The following MYLK variants were observed in gnomAD, a reference collection of about 807,000 sequenced individuals.
MYLK encodes the protein myosin light chain kinase, smooth muscle.
In MYLK, 106 loss-of-function variants were observed where a neutral mutation model predicts 203.4. The ratio of observed to expected loss-of-function variants is 0.52; its 90% CI spans 0.45 to 0.61. The LOEUF is 0.61. MYLK is among the 20% of genes least tolerant of loss of function. The pLI is 0.00. For missense variants in MYLK, 2,072 were observed against 2,442.3 expected (o/e 0.85, Z 3.20); for synonymous variants, 867 against 959.5 (o/e 0.90, Z 1.78).
chr3:123,673,044 A>G (rs563709313), intron 20 of MYLK, among the ~76,000 whole-genome samples: 1 of 152,200 alleles, frequency 6.6e-6, no homozygotes, highest in Non-Finnish European at 1.5e-5. Flanking sequence ...GGAGCTGGAA[A>G]TGGGATCTGA....
intron 24 of MYLK, among the ~76,000 whole-genome samples, chr3:123,653,990 GTGTGTGTGT>G (rs2059309190): frequency 1.6e-5 from 2 of 123,124 alleles, no homozygotes; most frequent in African/African-American, 7.5e-5. Flanking sequence ...GGGATGTTGT[GTGTGTGTGT>G]GTGTGTGTGT....
In MYLK at chr3:123,793,575, A is replaced by C. The variant is rs143028038; in HGVS notation, c.165+102T>G. On this transcript the variant is annotated intron_variant, in intron 4 of 33. Transcript: ENST00000360304. ...TACATGAAGGTCCAAAAGAAAATTG[A>C]GCCTTCTATTAGATCCAGCCGGCCC... 5.0e-4 allele frequency: 666 copies of C among 1,329,394 alleles called. 7 individuals are homozygous for C. In the African/African-American group the frequency reaches 9.0e-3, roughly 18 times the overall value. The allele number at this position is 1,329,394 out of a possible 1,614,324, so 82.3% of individuals were successfully genotyped here.
chr3:123,717,765 T>C (rs1188398706), intron 13 of MYLK, among the ~76,000 whole-genome samples: 1 of 152,010 alleles, frequency 6.6e-6, no homozygotes, highest in Non-Finnish European at 1.5e-5. Flanking sequence ...AGACATTCAT[T>C]GCTTGGTTAA....
chr3:123,659,094 T>C (rs1270770659), intron 23 of MYLK, among the ~76,000 whole-genome samples: 3 of 152,212 alleles, frequency 2.0e-5, no homozygotes, highest in East Asian at 1.9e-4. Context: ...GAAACATTTC[T>C]GGTTTTGGCT....
At chr3:123,784,792 T>G (rs1258915340) in intron 4 of MYLK, among the ~76,000 whole-genome samples, 1 of 152,216 alleles carries the variant, frequency 6.6e-6, no homozygotes, top group African/African-American at 2.4e-5. Context: ...TCTGTGGATT[T>G]TCTACCTCTT....
intron 2 of MYLK, among the ~76,000 whole-genome samples, chr3:123,850,742 A>G (rs2030686721): frequency 6.6e-6 from 1 of 152,096 alleles, no homozygotes; most frequent in Non-Finnish European, 1.5e-5. Flanking sequence ...GAAGCTCTTT[A>G]GTTTAATTAG....
intron 4 of MYLK, among the ~76,000 whole-genome samples, chr3:123,767,655 C>T (rs1460571999): frequency 2.6e-5 from 4 of 152,180 alleles, no homozygotes; most frequent in African/African-American, 9.7e-5. Flanking sequence ...GCCAGAGCTG[C>T]CCTAAGGCCT....
At chr3:123,827,742 TATATATAA>T (rs2066176860) in intron 3 of MYLK, among the ~76,000 whole-genome samples, 4 of 79,322 alleles carry the variant, frequency 5.0e-5, no homozygotes, top group Admixed American at 1.5e-4. Flanking sequence ...TATATATATA[TATATATAA>T]AGACTCTACC....
intron 13 of MYLK, among the ~76,000 whole-genome samples, chr3:123,720,472 C>G (rs1256471355): frequency 6.6e-6 from 1 of 152,140 alleles, no homozygotes; most frequent in Admixed American, 6.5e-5. Flanking sequence ...ACTCTTGCTG[C>G]CCCTTACTTG....
intron 4 of MYLK, among the ~76,000 whole-genome samples, chr3:123,778,327 C>A (rs1264808630): frequency 6.6e-6 from 1 of 151,980 alleles, no homozygotes; most frequent in Non-Finnish European, 1.5e-5. Context: ...TAATAAGAAT[C>A]ATCAATCCCC....
chr3:123,621,845 C>G (rs1286842075), intron 31 of MYLK: 1 of 152,502 alleles, frequency 6.6e-6, no homozygotes, highest in Non-Finnish European at 1.5e-5. Context: ...GAACAGAATC[C>G]ACGCAGCCCC....
In MYLK at chr3:123,666,214, C is replaced by T. The variant is rs1198605932; in HGVS notation, c.3831+5G>A. The T allele has an allele frequency of 6.2e-7, 1 of 1,614,242 alleles. No individual in the cohort carries two copies. The highest frequency in any genetic ancestry group is 8.5e-7 in the Non-Finnish European group (1 of 1,180,050). On this transcript the variant is annotated splice_donor_5th_base_variant and intron_variant, in intron 22 of 33. Transcript: ENST00000360304. ...CCCCAGTGCCCACCCCATACCGTCA[C>T]TGACCTGCTTTCGGAACTTCATCCA... is the stretch of plus-strand genomic sequence containing the variant.
chr3:123,819,307 G>A (rs575658104), intron 3 of MYLK, among the ~76,000 whole-genome samples: 2 of 152,186 alleles, frequency 1.3e-5, no homozygotes, highest in Non-Finnish European at 2.9e-5. Context: ...TCATTACAGA[G>A]CTCTCAAGTT....
At chr3:123,663,210 G>A (rs1263934514) in intron 23 of MYLK, among the ~76,000 whole-genome samples, 1 of 152,196 alleles carries the variant, frequency 6.6e-6, no homozygotes, top group Non-Finnish European at 1.5e-5. Flanking sequence ...CTCCAGGAGA[G>A]AGCTGACCAG....
chr3:123,883,750 A>G (rs2033685215), intron 1 of MYLK, among the ~76,000 whole-genome samples: 1 of 152,080 alleles, frequency 6.6e-6, no homozygotes, highest in African/African-American at 2.4e-5. Context: ...CCCGCGCCCC[A>G]GCTTCGCCTG....
chr3:123,847,822 A>G (rs1222384618), intron 2 of MYLK, among the ~76,000 whole-genome samples: 1 of 152,124 alleles, frequency 6.6e-6, no homozygotes, highest in Non-Finnish European at 1.5e-5. Context: ...ATATTTATAA[A>G]TAAAACTGGC....
intron 2 of MYLK, among the ~76,000 whole-genome samples, chr3:123,860,613 G>A (rs1004389601): frequency 1.1e-4 from 16 of 152,144 alleles, no homozygotes; most frequent in African/African-American, 3.9e-4. Context: ...AAAAAGCCCT[G>A]TCTGAGAATA....
At chr3:123,619,098 C>T (rs747962847) in intron 32 of MYLK, among the ~76,000 whole-genome samples, 15 of 152,204 alleles carry the variant, frequency 9.9e-5, no homozygotes, top group Non-Finnish European at 1.9e-4. Context: ...GGTATCTGAG[C>T]AGGGCAGGAC....
At position 123,626,964 on chromosome 3, in the gene MYLK, G is replaced by T. The variant is rs1319222318; in HGVS notation, c.5115-23C>A. ...TTTCTGACAGAGGCAGAGATCAGGAGATTTTTGAGCAGGAGGAGACCTCAG... is the reference window on the plus strand; with the variant it reads ...TTTCTGACAGAGGCAGAGATCAGGATATTTTTGAGCAGGAGGAGACCTCAG... On this transcript the variant is annotated intron_variant, in intron 30 of 33. Coordinates refer to ENST00000360304, the MANE Select transcript of MYLK (RefSeq NM_053025.4). 7 of 1,613,936 alleles carry T rather than the reference G, an allele frequency of 4.3e-6. No individual in the cohort carries two copies. In the East Asian group the frequency reaches 1.1e-4, roughly 26 times the overall value.
Sources: allele counts gnomAD v4.1 joint callset (sites outside exome capture counted in the v4.1 genomes callset), GRCh38; gene constraint gnomAD v4.1.1; transcripts MANE v1.5; gene names NCBI Gene and HGNC (gene_info 2026-07-23, HGNC 2026-07-21).